Variants in TANC1 observed in about 807,000 individuals in gnomAD.
The protein encoded by TANC1 is tetratricopeptide repeat, ankyrin repeat and coiled-coil containing 1, also known as protein TANC1.
TANC1 carries 77 observed loss-of-function variants against 149.7 expected under a neutral mutation model. That is an observed-to-expected ratio of 0.51 (90% CI 0.43 to 0.62). The LOEUF is 0.62. Ranked by LOEUF, TANC1 falls within the 20% of genes least tolerant of loss-of-function variation. The pLI is 0.00. For synonymous variants in TANC1, 854 were observed against 925.0 expected, an observed-to-expected ratio of 0.92 and a Z score of 1.39; for missense variants, 1,985 against 2,321.8, an observed-to-expected ratio of 0.85 and a Z score of 2.98.
chr2:159,217,443 T>C (rs2059418826), intron 19 of TANC1, 54 bp from the exon 20 acceptor site: 1 of 1,607,324 alleles, frequency 6.2e-7, no homozygotes, highest in African/African-American at 1.3e-5. Flanking sequence ...AATTTCTGGC[T>C]ATCTGTGCTC....
chr2:159,047,686 T>C (rs965122009), intron 2 of TANC1, among the ~76,000 whole-genome samples: 2 of 152,140 alleles, frequency 1.3e-5, no homozygotes, highest in Non-Finnish European at 2.9e-5. Flanking sequence ...ATTTTACATA[T>C]ATTGATTGAT....
chr2:159,041,934 C>T (rs183919027), intron 2 of TANC1, among the ~76,000 whole-genome samples: 67 of 152,230 alleles, frequency 4.4e-4, no homozygotes, highest in Non-Finnish European at 4.9e-4. Flanking sequence ...ACCCCATGTT[C>T]GAGTTGAGAC....
chr2:159,132,321 A>G (rs960966700), intron 4 of TANC1, among the ~76,000 whole-genome samples: 4 of 152,094 alleles, frequency 2.6e-5, no homozygotes, highest in African/African-American at 9.7e-5. Context: ...CGTATGTGAC[A>G]TTACTGTGAT....
At chr2:159,088,922 A>AGAT (rs781376547) in intron 3 of TANC1, among the ~76,000 whole-genome samples, 4 of 152,326 alleles carry the variant, frequency 2.6e-5, no homozygotes, top group Admixed American at 6.5e-5. Context: ...GTGTTCAAGC[A>AGAT]GATGTTCTCT....
At chr2:158,979,464 A>G (rs1355762629) in intron 1 of TANC1, among the ~76,000 whole-genome samples, 1 of 151,750 alleles carries the variant, frequency 6.6e-6, no homozygotes, top group Non-Finnish European at 1.5e-5. Flanking sequence ...ACTGCATTCT[A>G]GCCTTGGCGA....
intron 3 of TANC1, among the ~76,000 whole-genome samples, chr2:159,083,257 T>A: frequency 6.9e-6 from 1 of 144,824 alleles, no homozygotes; most frequent in Non-Finnish European, 1.5e-5. Context: ...ACCTGGCCTA[T>A]TTTTTTTTTT....
intron 1 of TANC1, among the ~76,000 whole-genome samples, chr2:158,980,182 C>A (rs1240838565): frequency 6.6e-6 from 1 of 152,062 alleles, no homozygotes; most frequent in African/African-American, 2.4e-5. Flanking sequence ...TTGTTTTTAA[C>A]TACAGGACTT....
chr2:158,993,739 T>C (rs1285868535), intron 1 of TANC1, among the ~76,000 whole-genome samples: 4 of 152,192 alleles, frequency 2.6e-5, no homozygotes, highest in African/African-American at 7.2e-5. Context: ...CTGAACTTTC[T>C]CTTCTTCGAA....
intron 1 of TANC1, among the ~76,000 whole-genome samples, chr2:158,972,067 C>T (rs2032967772): frequency 6.6e-6 from 1 of 152,158 alleles, no homozygotes; most frequent in Non-Finnish European, 1.5e-5. Context: ...AAACAGTTCA[C>T]CAATAATGGT....
At chr2:159,107,404 C>G (rs745927089) in intron 4 of TANC1, among the ~76,000 whole-genome samples, 4 of 152,202 alleles carry the variant, frequency 2.6e-5, no homozygotes, top group Non-Finnish European at 4.4e-5. Flanking sequence ...TTTTTGATGT[C>G]ATGTCCTAGT....
chr2:159,095,228 G>A (rs954660484), intron 3 of TANC1, among the ~76,000 whole-genome samples: 3 of 152,156 alleles, frequency 2.0e-5, no homozygotes, highest in African/African-American at 4.8e-5. Context: ...TTATGGGCAT[G>A]AGCCACTGCA....
chr2:158,978,734 T>C (rs2033974161), intron 1 of TANC1, among the ~76,000 whole-genome samples: 1 of 152,238 alleles, frequency 6.6e-6, no homozygotes, highest in Admixed American at 6.5e-5. Context: ...GAGTTATCTA[T>C]GTCAGTATTC....
intron 16 of TANC1, among the ~76,000 whole-genome samples, chr2:159,193,808 A>G (rs900625064): frequency 2.0e-5 from 3 of 151,940 alleles, no homozygotes; most frequent in African/African-American, 7.3e-5. Flanking sequence ...GGCGTGAGCC[A>G]CCGCACCTGG....
chr2:159,218,863 G>T (rs1467403670), intron 20 of TANC1, among the ~76,000 whole-genome samples: 1 of 152,168 alleles, frequency 6.6e-6, no homozygotes, highest in Non-Finnish European at 1.5e-5. Context: ...TAGTTTCAGT[G>T]CCCGTGGGGG....
chr2:159,119,722 T>A (rs2048656157), intron 4 of TANC1, among the ~76,000 whole-genome samples: 1 of 152,142 alleles, frequency 6.6e-6, no homozygotes, highest in Admixed American at 6.5e-5. Flanking sequence ...CAGGCACTCT[T>A]AGGAGGTGAG....
intron 3 of TANC1, among the ~76,000 whole-genome samples, chr2:159,083,922 A>G (rs1479620451): frequency 6.6e-6 from 1 of 152,134 alleles, no homozygotes; most frequent in Non-Finnish European, 1.5e-5. Context: ...TAAAGTAAAC[A>G]AAATATACAA....
At chr2:159,116,927 T>C (rs1398350166) in intron 4 of TANC1, among the ~76,000 whole-genome samples, 1 of 152,228 alleles carries the variant, frequency 6.6e-6, no homozygotes, top group Non-Finnish European at 1.5e-5. Context: ...CCAGTTGGGA[T>C]TTGAACTTCA....
chr2:159,206,983 A>G (rs2058651900), intron 19 of TANC1, among the ~76,000 whole-genome samples: 1 of 152,270 alleles, frequency 6.6e-6, no homozygotes, highest in Non-Finnish European at 1.5e-5. Context: ...TTAGAAGAAC[A>G]AAGTCTGTAT....
intron 4 of TANC1, 127 bp downstream of exon 4, chr2:159,097,961 G>A: frequency 2.7e-6 from 2 of 747,554 alleles, no homozygotes; most frequent in Non-Finnish European, 2.1e-6. Context: ...TCTTCTAGAA[G>A]AAATAAATCT....
Sources: gnomAD v4.1 joint callset for allele counts (sites outside exome capture counted in the v4.1 genomes callset) on GRCh38, gnomAD v4.1.1 for gene constraint, MANE v1.5 for transcripts, NCBI Gene and HGNC (gene_info 2026-07-23, HGNC 2026-07-21) for gene names.